Variants in DOK6 observed in about 807,000 individuals in gnomAD.
DOK6 encodes downstream of tyrosine kinase 6.
DOK6 carries 22 observed loss-of-function variants against 44.0 expected under a neutral mutation model. The ratio of observed to expected loss-of-function variants is 0.50; its 90% CI spans 0.36 to 0.71. The LOEUF is 0.71. DOK6 is among the 30% of genes least tolerant of loss of function. DOK6 has a pLI of 0.00. For missense variants in DOK6, 340 were observed against 416.4 expected, an observed-to-expected ratio of 0.82 and a Z score of 1.60; for synonymous variants, 166 against 145.5, an observed-to-expected ratio of 1.14 and a Z score of -1.01.
At chr18:69,481,340 A>T (rs992925102) in intron 1 of DOK6, among the ~76,000 whole-genome samples, 1 of 152,074 alleles carries the variant, frequency 6.6e-6, no homozygotes, top group Admixed American at 6.6e-5. Flanking sequence ...CATCATTTAC[A>T]TTACATATAT....
intron 3 of DOK6, among the ~76,000 whole-genome samples, chr18:69,667,666 C>T (rs1985694604): frequency 6.6e-6 from 1 of 152,196 alleles, no homozygotes. Context: ...TCTTGGCTTT[C>T]AGCATATTGC....
At chr18:69,602,389 C>G (rs189084889) in intron 3 of DOK6, among the ~76,000 whole-genome samples, 1 of 152,302 alleles carries the variant, frequency 6.6e-6, no homozygotes, top group Admixed American at 6.5e-5. Flanking sequence ...TCTACAAATA[C>G]CTGCCCAGTA....
intron 2 of DOK6, among the ~76,000 whole-genome samples, chr18:69,588,125 T>G (rs1300178951): frequency 1.3e-5 from 2 of 152,166 alleles, no homozygotes; most frequent in Admixed American, 1.3e-4. Context: ...ATTTGGCCCT[T>G]ATTCTCTCTA....
chr18:69,584,161 C>G (rs1355244984), intron 2 of DOK6, among the ~76,000 whole-genome samples: 1 of 151,172 alleles, frequency 6.6e-6, no homozygotes, highest in Admixed American at 6.6e-5. Flanking sequence ...AAGACTCCAT[C>G]AAAACACTGT....
At chr18:69,724,264 A>G (rs1978295658) in intron 5 of DOK6, among the ~76,000 whole-genome samples, 1 of 152,202 alleles carries the variant, frequency 6.6e-6, no homozygotes, top group Admixed American at 6.5e-5. Context: ...TTTATGATGG[A>G]GTTTCTATAA....
intron 7 of DOK6, among the ~76,000 whole-genome samples, chr18:69,818,930 G>A (rs1274694294): frequency 6.6e-6 from 1 of 152,108 alleles, no homozygotes; most frequent in Non-Finnish European, 1.5e-5. Context: ...CTTCCCATTG[G>A]GCTTGCCCTC....
At chr18:69,748,132 C>CA (rs1196469015) in intron 6 of DOK6, among the ~76,000 whole-genome samples, 1 of 151,836 alleles carries the variant, frequency 6.6e-6, no homozygotes, top group Non-Finnish European at 1.5e-5. Flanking sequence ...CAACAAAGTT[C>CA]AAAAAAGACA....
chr18:69,430,291 C>T (rs1978767463), intron 1 of DOK6, among the ~76,000 whole-genome samples: 1 of 152,156 alleles, frequency 6.6e-6, no homozygotes, highest in Non-Finnish European at 1.5e-5. Context: ...CAGAAAGGGA[C>T]TGTAGTTAAT....
chr18:69,636,706 T>C (rs985872128), intron 3 of DOK6, among the ~76,000 whole-genome samples: 15 of 152,296 alleles, frequency 9.8e-5, no homozygotes, highest in African/African-American at 2.9e-4. Context: ...CTTCTTGCAG[T>C]TACTGTATCA....
intron 3 of DOK6, among the ~76,000 whole-genome samples, chr18:69,656,865 A>C (rs185015949): frequency 6.6e-6 from 1 of 152,178 alleles, no homozygotes; most frequent in Non-Finnish European, 1.5e-5. Flanking sequence ...TTAGAATGCA[A>C]CTTCTCAGGT....
intron 1 of DOK6, among the ~76,000 whole-genome samples, chr18:69,529,364 T>C (rs1981922217): frequency 6.6e-6 from 1 of 152,200 alleles, no homozygotes; most frequent in South Asian, 2.1e-4. Context: ...AGCACTATTT[T>C]ATGTCTTCAT....
intron 7 of DOK6, among the ~76,000 whole-genome samples, chr18:69,820,595 G>A (rs1054923512): frequency 6.6e-6 from 1 of 152,046 alleles, no homozygotes; most frequent in Non-Finnish European, 1.5e-5. Flanking sequence ...TAAACATACA[G>A]AAGCAATAAG....
At chr18:69,755,534 G>C (rs1454925934) in intron 6 of DOK6, among the ~76,000 whole-genome samples, 1 of 152,218 alleles carries the variant, frequency 6.6e-6, no homozygotes, top group East Asian at 1.9e-4. Flanking sequence ...AGATTTATGT[G>C]TTTAATTAAG....
intron 1 of DOK6, among the ~76,000 whole-genome samples, chr18:69,447,627 A>T (rs577514057): frequency 6.6e-6 from 1 of 152,010 alleles, no homozygotes; most frequent in Non-Finnish European, 1.5e-5. Context: ...TCTTTCTTCT[A>T]TATTCCTTCA....
chr18:69,758,316 C>A (rs1979428029), intron 7 of DOK6, among the ~76,000 whole-genome samples: 2 of 152,138 alleles, frequency 1.3e-5, no homozygotes, highest in South Asian at 4.1e-4. Flanking sequence ...CCATGAAAGT[C>A]TTAAAGTTTA....
chr18:69,826,425 A>G (rs771443520), intron 7 of DOK6, among the ~76,000 whole-genome samples: 1 of 152,328 alleles, frequency 6.6e-6, no homozygotes, highest in Non-Finnish European at 1.5e-5. Flanking sequence ...ATATATCTCA[A>G]ATATATTCTT....
intron 1 of DOK6, among the ~76,000 whole-genome samples, chr18:69,463,453 T>C (rs1979841540): frequency 6.6e-6 from 1 of 152,028 alleles, no homozygotes; most frequent in Non-Finnish European, 1.5e-5. Flanking sequence ...CTGTTTACTG[T>C]TGGCTTCTCC....
At chr18:69,518,043 C>G (rs573327054) in intron 1 of DOK6, among the ~76,000 whole-genome samples, 2 of 152,016 alleles carry the variant, frequency 1.3e-5, no homozygotes, top group Non-Finnish European at 2.9e-5. Context: ...TGGCAAATTT[C>G]CATTTATGCA....
At chr18:69,736,009 T>C (rs1978592858) in intron 5 of DOK6, among the ~76,000 whole-genome samples, 2 of 152,204 alleles carry the variant, frequency 1.3e-5, no homozygotes, top group Admixed American at 1.3e-4. Context: ...ATAGGTAAAA[T>C]AACTGGCTCA....
Sources: allele counts gnomAD v4.1 joint callset (sites outside exome capture counted in the v4.1 genomes callset), GRCh38; gene constraint gnomAD v4.1.1; transcripts MANE v1.5; gene names NCBI Gene and HGNC (gene_info 2026-07-23, HGNC 2026-07-21).